DCC: variants seen among roughly 807,000 people sequenced by gnomAD.
DCC encodes DCC netrin 1 receptor.
In DCC, 58 loss-of-function variants were observed where a neutral mutation model predicts 172.5. That is an observed-to-expected ratio of 0.34 (90% CI 0.27 to 0.42). DCC has a LOEUF of 0.42. DCC is among the 10% of genes least tolerant of loss of function. The pLI, the probability that DCC is intolerant of heterozygous loss-of-function variation, is 1.00. For synonymous variants in DCC, 709 were observed against 644.5 expected, an observed-to-expected ratio of 1.10 and a Z score of -1.52; for missense variants, 1,740 against 1,791.0, an observed-to-expected ratio of 0.97 and a Z score of 0.51.
At chr18:52,664,859 C>T (rs1290075949) in intron 1 of DCC, among the ~76,000 whole-genome samples, 2 of 152,176 alleles carry the variant, frequency 1.3e-5, no homozygotes, top group Non-Finnish European at 2.9e-5. Flanking sequence ...GAACCAAGGT[C>T]ATGAAATGAG....
intron 7 of DCC, among the ~76,000 whole-genome samples, chr18:53,148,453 T>C (rs2043948512): frequency 6.6e-6 from 1 of 152,026 alleles, no homozygotes; most frequent in Non-Finnish European, 1.5e-5. Context: ...GGGAATTCAA[T>C]GACATAAACT....
intron 21 of DCC, among the ~76,000 whole-genome samples, chr18:53,428,467 A>AATATATG (rs1281547676): frequency 1.2e-4 from 7 of 58,212 alleles, no homozygotes; most frequent in Non-Finnish European, 2.4e-4. Context: ...TATATATTAT[A>AATATATG]TAATATATAA....
At chr18:52,724,379 G>A (rs1406035239) in intron 1 of DCC, among the ~76,000 whole-genome samples, 1 of 151,950 alleles carries the variant, frequency 6.6e-6, no homozygotes, top group South Asian at 2.1e-4. Flanking sequence ...AAATTCCTGG[G>A]CTCAAGTGAT....
chr18:53,534,060 T>C lies in DCC; in HGVS notation c.*3407T>C, dbSNP rs2046549422. ...GCTTGAAGATGATTGCTGATACTTA[T>C]CCACCCTTTGGGTACTTCTGTTGAC... On this transcript the variant is annotated 3_prime_UTR_variant, in exon 29 of 29. Transcript: ENST00000442544. 6.6e-6 allele frequency: 1 copy of C among 152,340 alleles called. No individual in the cohort carries two copies. The highest frequency in any genetic ancestry group is 2.4e-5 in the African/African-American group (1 of 41,576). 9.4% of individuals were successfully genotyped at this position (152,340 alleles called of 1,614,324 possible). A position where few individuals can be genotyped will look rare whatever the true frequency, so the allele number is the denominator to read the frequency against.
At chr18:52,480,990 A>C (rs2029935059) in intron 1 of DCC, among the ~76,000 whole-genome samples, 1 of 152,164 alleles carries the variant, frequency 6.6e-6, no homozygotes, top group African/African-American at 2.4e-5. Flanking sequence ...CACCATGTAC[A>C]TCTTAGAGAT....
At chr18:53,157,845 C>G (rs970984294) in intron 8 of DCC, among the ~76,000 whole-genome samples, 6 of 152,190 alleles carry the variant, frequency 3.9e-5, no homozygotes, top group Admixed American at 1.3e-4. Flanking sequence ...CTGTGGCTAG[C>G]TTGTAATCCC....
chr18:52,895,901 C>T (rs781755752), intron 2 of DCC, among the ~76,000 whole-genome samples: 14 of 152,124 alleles, frequency 9.2e-5, no homozygotes, highest in South Asian at 4.1e-4. Flanking sequence ...TCTCATGCCT[C>T]AGCCTCCCGA....
intron 1 of DCC, among the ~76,000 whole-genome samples, chr18:52,530,024 A>G (rs1293231901): frequency 1.3e-5 from 2 of 152,246 alleles, no homozygotes; most frequent in Non-Finnish European, 2.9e-5. Flanking sequence ...AAAAACCCTC[A>G]AAATTTTGAA....
intron 3 of DCC, among the ~76,000 whole-genome samples, chr18:52,917,007 G>A (rs1292966399): frequency 1.3e-5 from 2 of 150,470 alleles, no homozygotes; most frequent in Non-Finnish European, 3.0e-5. Flanking sequence ...AATAGACTGG[G>A]CACAGTGGCT....
At chr18:52,776,376 ATATTT>A (rs1018923065) in intron 2 of DCC, among the ~76,000 whole-genome samples, 7 of 152,124 alleles carry the variant, frequency 4.6e-5, no homozygotes, top group African/African-American at 1.7e-4. Flanking sequence ...AAGAACTTAG[ATATTT>A]TAGTAGAAAT....
At chr18:52,861,665 T>TA (rs34302516) in intron 2 of DCC, among the ~76,000 whole-genome samples, 5 of 152,094 alleles carry the variant, frequency 3.3e-5, no homozygotes, top group African/African-American at 1.2e-4. Flanking sequence ...AAAAATCATT[T>TA]AAAAAAAGCG....
intron 5 of DCC, among the ~76,000 whole-genome samples, chr18:52,942,441 G>C (rs1013424619): frequency 1.3e-5 from 2 of 152,048 alleles, no homozygotes; most frequent in Admixed American, 6.6e-5. Flanking sequence ...TAGCATGTGG[G>C]TGCCTCCTAT....
chr18:52,497,310 TATATACACACACAC>T (rs2030823162), intron 1 of DCC, among the ~76,000 whole-genome samples: 2 of 88,334 alleles, frequency 2.3e-5, no homozygotes, highest in Admixed American at 2.5e-4. Flanking sequence ...TATATATATA[TATATACACACACAC>T]ATATATATAC....
chr18:53,357,571 G>A (rs780201756), intron 15 of DCC, among the ~76,000 whole-genome samples: 15 of 152,198 alleles, frequency 9.9e-5, no homozygotes, highest in South Asian at 4.1e-4. Flanking sequence ...GAAACAAAGT[G>A]CATCATAAGT....
chr18:53,432,526 TTA>T (rs1911682686), intron 21 of DCC, among the ~76,000 whole-genome samples: 1 of 152,182 alleles, frequency 6.6e-6, no homozygotes, highest in Non-Finnish European at 1.5e-5. Context: ...TAAATTCTGA[TTA>T]CTCCTCTCTT....
intron 26 of DCC, among the ~76,000 whole-genome samples, chr18:53,494,386 C>A (rs1461066450): frequency 6.6e-6 from 1 of 152,154 alleles, no homozygotes; most frequent in African/African-American, 2.4e-5. Context: ...TTTTCTATCT[C>A]ATTGATCTAA....
intron 7 of DCC, among the ~76,000 whole-genome samples, chr18:53,128,210 C>T (rs1444421858): frequency 6.6e-6 from 1 of 152,136 alleles, no homozygotes; most frequent in Non-Finnish European, 1.5e-5. Context: ...AAATAGCATA[C>T]ATTTTTTAAT....
chr18:52,708,767 A>G (rs1241947906), intron 1 of DCC, among the ~76,000 whole-genome samples: 1 of 152,204 alleles, frequency 6.6e-6, no homozygotes, highest in African/African-American at 2.4e-5. Context: ...TACAAGAGAA[A>G]AAACAAATTT....
intron 1 of DCC, among the ~76,000 whole-genome samples, chr18:52,529,403 G>C (rs1598890442): frequency 1.3e-5 from 2 of 152,230 alleles, no homozygotes; most frequent in African/African-American, 4.8e-5. Flanking sequence ...CCATTCTCCT[G>C]CCTCAGCCTC....
Sources: gnomAD v4.1 joint callset for allele counts (sites outside exome capture counted in the v4.1 genomes callset) on GRCh38, gnomAD v4.1.1 for gene constraint, MANE v1.5 for transcripts, NCBI Gene and HGNC (gene_info 2026-07-23, HGNC 2026-07-21) for gene names.